EPHA5: variants seen among roughly 807,000 people sequenced by gnomAD.
EPHA5 encodes the protein EPH receptor A5.
In EPHA5, 60 loss-of-function variants were observed where a neutral mutation model predicts 105.0. The ratio of observed to expected loss-of-function variants is 0.57; its 90% CI spans 0.46 to 0.71. The LOEUF (loss-of-function observed/expected upper bound fraction) is 0.71. EPHA5 is among the 30% of genes least tolerant of loss of function. EPHA5 has a pLI of 0.00. For synonymous variants in EPHA5, 513 were observed against 449.1 expected (o/e 1.14, Z -1.80); for missense variants, 1,218 against 1,274.7 (o/e 0.96, Z 0.68).
chr4:65,662,297 G>A (rs988570757), intron 1 of EPHA5, among the ~76,000 whole-genome samples: 1 of 152,062 alleles, frequency 6.6e-6, no homozygotes, highest in Non-Finnish European at 1.5e-5. Context: ...TTCTTGCAAA[G>A]CATATGTAAA....
At chr4:65,350,056 TAACACAAATCTTG>T (rs1253302663) in intron 13 of EPHA5, among the ~76,000 whole-genome samples, 2 of 152,066 alleles carry the variant, frequency 1.3e-5, no homozygotes, top group Non-Finnish European at 2.9e-5. Context: ...CATAACACAC[TAACACAAATCTTG>T]AAAAATCTAC....
At chr4:65,582,097 G>T (rs1201347764) in intron 3 of EPHA5, among the ~76,000 whole-genome samples, 2 of 151,714 alleles carry the variant, frequency 1.3e-5, no homozygotes, top group East Asian at 3.9e-4. Flanking sequence ...CATTAAACAT[G>T]TCTGGATATT....
intron 3 of EPHA5, among the ~76,000 whole-genome samples, chr4:65,597,547 T>A (rs1743311286): frequency 6.6e-6 from 1 of 151,756 alleles, no homozygotes; most frequent in Admixed American, 6.6e-5. Flanking sequence ...TGGGGAAACA[T>A]ACTTGGATAA....
In EPHA5 at chr4:65,601,739, G is replaced by C. The variant is rs1456895475; in HGVS notation, c.812C>G (p.Pro271Arg). The change falls in exon 3 of 17, where the codon CCT (proline) becomes CGT (arginine). Residue 271 changes from proline (P) to arginine (R), a missense_variant. Physicochemically the swap from Pro to Arg is moderately radical, Grantham distance 103. Transcript: ENST00000613740. ...SCVNHSVTDE[P>R]PKMHCSAEGE... ...TTCGGCGCTGCAGTGCATTTTGGGAGGTTCATCGGTCACAGAATGGTTGAC... is the reference window on the plus strand; with the variant it reads ...TTCGGCGCTGCAGTGCATTTTGGGACGTTCATCGGTCACAGAATGGTTGAC... 6.2e-7 allele frequency: 1 copy of C among 1,614,126 alleles called. No homozygotes were observed. The highest frequency in any genetic ancestry group is 1.1e-5 in the South Asian group (1 of 91,082).
intron 2 of EPHA5, 55 bp downstream of exon 2, chr4:65,643,308 A>T: frequency 7.4e-7 from 1 of 1,349,658 alleles, no homozygotes; most frequent in Non-Finnish European, 1.1e-6. Context: ...TGTTACAAGT[A>T]TCAAGATGCT....
intron 5 of EPHA5, among the ~76,000 whole-genome samples, chr4:65,429,679 T>C (rs528978354): frequency 1.3e-5 from 2 of 152,182 alleles, no homozygotes; most frequent in East Asian, 1.9e-4. Context: ...CTAGGAATTG[T>C]GATATTAAAT....
At chr4:65,420,603 A>C in intron 5 of EPHA5, 38 bp from the exon 6 acceptor site, 1 of 1,592,706 alleles carries the variant, frequency 6.3e-7, no homozygotes, top group East Asian at 2.3e-5. Flanking sequence ...TATGATTAAT[A>C]AGGCCCTAAA....
intron 16 of EPHA5, chr4:65,331,570 C>T (rs1720620142): frequency 9.4e-7 from 1 of 1,058,376 alleles, no homozygotes; most frequent in South Asian, 4.6e-5. Context: ...CCAAAATGTA[C>T]AAATATGTTT....
At chr4:65,412,634 T>C (rs1423066957) in intron 7 of EPHA5, among the ~76,000 whole-genome samples, 2 of 152,082 alleles carry the variant, frequency 1.3e-5, no homozygotes, top group East Asian at 3.9e-4. Context: ...ACTTCAGTAA[T>C]AAAAAAACAG....
At chr4:65,605,440 C>T (rs1744134752) in intron 2 of EPHA5, among the ~76,000 whole-genome samples, 1 of 152,096 alleles carries the variant, frequency 6.6e-6, no homozygotes, top group African/African-American at 2.4e-5. Context: ...CTCTCCTTTC[C>T]AGATCCCCAG....
intron 8 of EPHA5, among the ~76,000 whole-genome samples, chr4:65,375,306 A>G (rs1577953496): frequency 6.6e-6 from 1 of 151,700 alleles, no homozygotes; most frequent in East Asian, 1.9e-4. Flanking sequence ...TTTCACAAAC[A>G]CACACACAGG....
At chr4:65,411,763 A>G (rs1388388319) in intron 7 of EPHA5, among the ~76,000 whole-genome samples, 1 of 151,862 alleles carries the variant, frequency 6.6e-6, no homozygotes, top group Non-Finnish European at 1.5e-5. Flanking sequence ...AAAGTTCTGG[A>G]AAAAAGTATT....
At chr4:65,396,484 T>C (rs1249774655) in intron 8 of EPHA5, among the ~76,000 whole-genome samples, 1 of 152,188 alleles carries the variant, frequency 6.6e-6, no homozygotes, top group African/African-American at 2.4e-5. Flanking sequence ...ACGACCTTTG[T>C]ATCTCATATA....
chr4:65,333,599 C>T lies in EPHA5; in HGVS notation c.2790-1471G>A, dbSNP rs76409786. On this transcript the variant is annotated intron_variant, in intron 15 of 16. Coordinates refer to ENST00000613740, the MANE Select transcript of EPHA5 (RefSeq NM_001281766.3). ...TGTGTGCTGGATTCCCCTCAATCTC[C>T]TTTGCCTGCTAGTCTTTTTTTTTTT... Among the ~76,000 whole-genome samples the T allele has an allele frequency of 1.7e-3, 222 of 133,910 alleles. 3 individuals are homozygous for T. The East Asian group carries it at 0.038, about 23-fold the overall frequency. 87.9% of individuals were successfully genotyped at this position (133,910 alleles called of 152,430 possible).
chr4:65,417,738 CTA>C (rs1723528529), intron 6 of EPHA5, among the ~76,000 whole-genome samples: 1 of 151,738 alleles, frequency 6.6e-6, no homozygotes, highest in African/African-American at 2.4e-5. Context: ...AAAAATTAAA[CTA>C]TAAAGAAAAT....
At chr4:65,548,510 C>T (rs1212561614) in intron 3 of EPHA5, among the ~76,000 whole-genome samples, 1 of 151,894 alleles carries the variant, frequency 6.6e-6, no homozygotes, top group Non-Finnish European at 1.5e-5. Context: ...AGAATTAATG[C>T]TTAATAAAGT....
chr4:65,353,369 TTAAA>T (rs1216738109), intron 11 of EPHA5, among the ~76,000 whole-genome samples: 3 of 149,200 alleles, frequency 2.0e-5, no homozygotes, highest in Non-Finnish European at 4.5e-5. Context: ...TTAAAACTAT[TTAAA>T]TATTTAAATA....
chr4:65,669,958 T>A lies in EPHA5; in HGVS notation c.-216A>T. ...CTCTCGCCTCCCCCTTTGGTGGGGT[T>A]AAATGAAATATTAGTTCTGGTTGCT... On this transcript the variant is annotated 5_prime_UTR_variant, in exon 1 of 17. Transcript: ENST00000613740. The A allele has an allele frequency of 1.6e-6, 1 of 607,002 alleles. No individual in the cohort carries two copies. The highest frequency in any genetic ancestry group is 2.4e-6 in the Non-Finnish European group (1 of 417,868). 37.6% of individuals were successfully genotyped at this position (607,002 alleles called of 1,614,324 possible).
At chr4:65,491,095 C>A (rs1180661114) in intron 4 of EPHA5, among the ~76,000 whole-genome samples, 1 of 150,826 alleles carries the variant, frequency 6.6e-6, no homozygotes, top group Non-Finnish European at 1.5e-5. Context: ...CTGCAACCTA[C>A]AAAGTAAACA....
Sources: allele counts gnomAD v4.1 joint callset (sites outside exome capture counted in the v4.1 genomes callset), GRCh38; gene constraint gnomAD v4.1.1; transcripts MANE v1.5; gene names NCBI Gene and HGNC (gene_info 2026-07-23, HGNC 2026-07-21).